Variants in SAMMSON observed in about 807,000 individuals in gnomAD.
SAMMSON encodes survival associated mitochondrial melanoma specific oncogenic non-coding RNA, also known as long intergenic non-protein coding RNA 1212.
At chr3:70,024,201 G>A (rs1446860036) in intron 3 of SAMMSON, among the ~76,000 whole-genome samples, 10 of 152,150 alleles carry the variant, frequency 6.6e-5, no homozygotes, top group South Asian at 4.2e-4. Context: ...TACAATGAGC[G>A]GTACAAGTCT....
At chr3:70,250,890 A>G (rs1203311111) in intron 6 of SAMMSON, among the ~76,000 whole-genome samples, 1 of 152,224 alleles carries the variant, frequency 6.6e-6, no homozygotes, top group Non-Finnish European at 1.5e-5. Flanking sequence ...CATCAAAAAT[A>G]TATAGTACAT....
chr3:70,181,974 A>G (rs1576146159), intron 4 of SAMMSON, among the ~76,000 whole-genome samples: 1 of 152,082 alleles, frequency 6.6e-6, no homozygotes, highest in Non-Finnish European at 1.5e-5. Context: ...GGGAAGGAGC[A>G]TTGGGGAGGG....
At chr3:70,354,882 T>C (rs1260990967) in intron 8 of SAMMSON, among the ~76,000 whole-genome samples, 1 of 152,182 alleles carries the variant, frequency 6.6e-6, no homozygotes, top group Non-Finnish European at 1.5e-5. Flanking sequence ...ATCTAGGTCC[T>C]TCTCTGTTTT....
chr3:70,366,659 C>T (rs951344086), intron 9 of SAMMSON, among the ~76,000 whole-genome samples: 1 of 151,232 alleles, frequency 6.6e-6, no homozygotes, highest in Non-Finnish European at 1.5e-5. Flanking sequence ...TATGTGCAAG[C>T]TTTTGTGTGG....
intron 6 of SAMMSON, among the ~76,000 whole-genome samples, chr3:70,289,169 T>A (rs550988988): frequency 2.0e-5 from 3 of 150,820 alleles, no homozygotes; most frequent in Admixed American, 6.6e-5. Context: ...GGTCTTTACA[T>A]TTTGGCATGA....
At chr3:70,355,615 G>A (rs1436123235) in intron 8 of SAMMSON, among the ~76,000 whole-genome samples, 1 of 151,884 alleles carries the variant, frequency 6.6e-6, no homozygotes, top group Non-Finnish European at 1.5e-5. Flanking sequence ...AACAGGAGAG[G>A]GGAAAAAAAT....
At chr3:70,286,304 A>T (rs1247458427) in intron 6 of SAMMSON, among the ~76,000 whole-genome samples, 2 of 152,186 alleles carry the variant, frequency 1.3e-5, no homozygotes, top group East Asian at 3.8e-4. Context: ...AGCACCGTTT[A>T]TTAAATAGGG....
chr3:70,164,434 T>C (rs2067628588), intron 4 of SAMMSON, among the ~76,000 whole-genome samples: 1 of 152,060 alleles, frequency 6.6e-6, no homozygotes, highest in Non-Finnish European at 1.5e-5. Flanking sequence ...GTTTTCTCTC[T>C]TTCTGTAACT....
chr3:70,428,697 G>C (rs1379606060), intron 2 of SAMMSON, among the ~76,000 whole-genome samples: 18 of 152,118 alleles, frequency 1.2e-4, no homozygotes, highest in Admixed American at 1.1e-3. Flanking sequence ...ATAAAGTCCT[G>C]GCATTGGAAA....
intron 7 of SAMMSON, among the ~76,000 whole-genome samples, chr3:70,306,831 CTT>C (rs1312851557): frequency 6.6e-6 from 1 of 152,144 alleles, no homozygotes; most frequent in African/African-American, 2.4e-5. Context: ...TTTCAATACT[CTT>C]AGCTTCACAT....
At chr3:70,048,507 ACT>A (rs1371121170) in intron 3 of SAMMSON, among the ~76,000 whole-genome samples, 1 of 151,944 alleles carries the variant, frequency 6.6e-6, no homozygotes, top group African/African-American at 2.4e-5. Context: ...AGAAAGCTTG[ACT>A]CTATTTTTGA....
At position 70,144,912 on chromosome 3, in the gene SAMMSON, C is replaced by T. The variant is rs140405317; in HGVS notation, n.507+73347C>T. ...CTTTCTTTTGTAAATTGCCCAATCT[C>T]GGGTATGTCTTTATCAGCAGTATGA... is the stretch of plus-strand genomic sequence containing the variant. On this transcript the variant is annotated intron_variant and non_coding_transcript_variant, in intron 4 of 9. Coordinates refer to ENST00000642114, the Ensembl canonical transcript of SAMMSON. Among the ~76,000 whole-genome samples, 1,389 of 152,214 alleles carry T rather than the reference C, an allele frequency of 9.1e-3. 21 individuals are homozygous for T. Among genetic ancestry groups the T allele is most frequent in the African/African-American group, 0.032 (1,309 of 41,554 alleles).
chr3:70,407,005 G>T (rs1222216565), intron 2 of SAMMSON, among the ~76,000 whole-genome samples: 1 of 152,180 alleles, frequency 6.6e-6, no homozygotes, highest in Non-Finnish European at 1.5e-5. Flanking sequence ...CATGGTGGGA[G>T]GCGAAAGGCA....
At chr3:70,269,817 T>A (rs1020689445) in intron 6 of SAMMSON, among the ~76,000 whole-genome samples, 1 of 152,076 alleles carries the variant, frequency 6.6e-6, no homozygotes, top group Non-Finnish European at 1.5e-5. Context: ...CGAAATCACA[T>A]CTCATTTCGA....
intron 3 of SAMMSON, chr3:70,014,039 A>G (rs2066970463): frequency 2.0e-5 from 3 of 152,172 alleles, no homozygotes; most frequent in African/African-American, 7.2e-5. Flanking sequence ...GTTACCAGGA[A>G]TCTTTACTTT....
chr3:70,275,469 C>T (rs1702015147), intron 6 of SAMMSON, among the ~76,000 whole-genome samples: 1 of 152,176 alleles, frequency 6.6e-6, no homozygotes, highest in Non-Finnish European at 1.5e-5. Flanking sequence ...GAGCAGTGAT[C>T]ATGCCACTGC....
intron 4 of SAMMSON, among the ~76,000 whole-genome samples, chr3:70,106,663 C>G (rs558147926): frequency 7.4e-4 from 112 of 152,122 alleles, no homozygotes; most frequent in African/African-American, 2.5e-3. Context: ...GTAACAAGCT[C>G]CCAGGTGGAC....
intron 3 of SAMMSON, among the ~76,000 whole-genome samples, chr3:70,016,725 A>G (rs1214287517): frequency 3.3e-5 from 5 of 152,188 alleles, no homozygotes; most frequent in Non-Finnish European, 7.3e-5. Context: ...TTTAGGTCTA[A>G]CATGTAAGTC....
intron 2 of SAMMSON, among the ~76,000 whole-genome samples, chr3:70,402,037 C>G (rs747580199): frequency 1.3e-5 from 2 of 152,110 alleles, no homozygotes; most frequent in African/African-American, 2.4e-5. Context: ...AAGTGTGACC[C>G]TGTATGCTCT....
Sources: allele counts gnomAD v4.1 joint callset (sites outside exome capture counted in the v4.1 genomes callset), GRCh38; gene constraint gnomAD v4.1.1; transcripts MANE v1.5; gene names NCBI Gene and HGNC (gene_info 2026-07-23, HGNC 2026-07-21).